SPATA6: variants seen among roughly 807,000 people sequenced by gnomAD.
SPATA6 encodes the protein spermatogenesis associated 6.
A neutral mutation model predicts 65.3 loss-of-function variants in SPATA6; 56 were observed. The observed-to-expected ratio is 0.86, with a 90% confidence interval of 0.69 to 1.07. SPATA6 has a LOEUF of 1.07. SPATA6 is among the 50% of genes least tolerant of loss of function. The probability of loss-of-function intolerance (pLI) is 0.00; values close to 1 mark genes in which losing one functional copy is unlikely to be tolerated. For synonymous variants in SPATA6, 199 were observed against 213.2 expected (o/e 0.93, Z 0.58); for missense variants, 590 against 594.8 (o/e 0.99, Z 0.08).
At chr1:48,366,268 G>C (rs944947656) in intron 9 of SPATA6, among the ~76,000 whole-genome samples, 4 of 152,024 alleles carry the variant, frequency 2.6e-5, no homozygotes, top group Non-Finnish European at 4.4e-5. Flanking sequence ...TTTTGGTTGT[G>C]TCTCTGCCCG....
At chr1:48,336,800 T>G (rs1570180962) in intron 11 of SPATA6, among the ~76,000 whole-genome samples, 1 of 151,962 alleles carries the variant, frequency 6.6e-6, no homozygotes, top group East Asian at 1.9e-4. Context: ...CTTAAAATAT[T>G]TAAGAAAAAA....
the SPATA6 span, among the ~76,000 whole-genome samples, chr1:48,264,878 T>C: frequency 4.4e-4 from 67 of 152,356 alleles, no homozygotes; most frequent in Admixed American, 1.1e-3. Flanking sequence ...TTTGGGTATA[T>C]ACCCAGTAAT....
the SPATA6 span, among the ~76,000 whole-genome samples, chr1:48,281,310 CAT>C: frequency 6.6e-6 from 1 of 151,052 alleles, no homozygotes; most frequent in Non-Finnish European, 1.5e-5. Context: ...TCCTATTCAA[CAT>C]AGTGTTGGAA....
intron 11 of SPATA6, among the ~76,000 whole-genome samples, chr1:48,314,488 A>G (rs944912196): frequency 5.9e-5 from 9 of 152,188 alleles, no homozygotes; most frequent in African/African-American, 2.2e-4. Context: ...GTTCTTTGAA[A>G]CCAATAAGAA....
chr1:48,318,987 T>C (rs1645520777), intron 11 of SPATA6, among the ~76,000 whole-genome samples: 1 of 152,188 alleles, frequency 6.6e-6, no homozygotes, highest in Non-Finnish European at 1.5e-5. Context: ...AACTGATTTT[T>C]TTATAAAGAT....
intron 3 of SPATA6, among the ~76,000 whole-genome samples, chr1:48,446,917 TA>T (rs1329567757): frequency 1.3e-5 from 2 of 152,160 alleles, no homozygotes; most frequent in Non-Finnish European, 2.9e-5. Context: ...GGTCCATTTA[TA>T]CACGAATTTT....
At chr1:48,274,405 A>T in the SPATA6 span, among the ~76,000 whole-genome samples, 1 of 152,162 alleles carries the variant, frequency 6.6e-6, no homozygotes, top group Admixed American at 6.6e-5. Context: ...TTAGTCATGC[A>T]GTCTTTGCCC....
intron 9 of SPATA6, among the ~76,000 whole-genome samples, chr1:48,382,356 C>A (rs1370300215): frequency 4.8e-5 from 5 of 103,562 alleles, no homozygotes; most frequent in Non-Finnish European, 8.1e-5. Flanking sequence ...ACCACCCTCC[C>A]GGACGGGGCG....
chr1:48,336,840 T>A (rs1646074914), intron 11 of SPATA6, among the ~76,000 whole-genome samples: 1 of 151,960 alleles, frequency 6.6e-6, no homozygotes, highest in South Asian at 2.1e-4. Flanking sequence ...AAAATCTTCA[T>A]ATCATTCAGT....
chr1:48,369,385 C>G (rs1034217220), intron 9 of SPATA6, among the ~76,000 whole-genome samples: 1 of 152,190 alleles, frequency 6.6e-6, no homozygotes, highest in Non-Finnish European at 1.5e-5. Context: ...AGAGGTGGAG[C>G]CTACAGAGGC....
At chr1:48,283,459 T>A in the SPATA6 span, among the ~76,000 whole-genome samples, 2 of 151,130 alleles carry the variant, frequency 1.3e-5, no homozygotes, top group Non-Finnish European at 2.9e-5. Context: ...GGCAGGCAGA[T>A]CATGAGGTCA....
At chr1:48,366,727 T>C in intron 9 of SPATA6, among the ~76,000 whole-genome samples, 1 of 152,206 alleles carries the variant, frequency 6.6e-6, no homozygotes, top group Non-Finnish European at 1.5e-5. Context: ...TCAATTTTGT[T>C]GATCTTTTCA....
At position 48,298,635 on chromosome 1, in the gene SPATA6, G is replaced by A. The variant is rs1235520842; in HGVS notation, c.*78C>T. ...ATAATCCCATTTTTTTTAAAAAAAG[G>A]AATACAGATATTGATCACATCAAAC... On this transcript the variant is annotated 3_prime_UTR_variant, in exon 13 of 13. Coordinates refer to ENST00000371847, the MANE Select transcript of SPATA6 (RefSeq NM_019073.4). 7.3e-7 allele frequency: 1 copy of A among 1,363,844 alleles called. No individual in the cohort carries two copies. Among genetic ancestry groups the A allele is most frequent in the South Asian group, 1.7e-5 (1 of 60,570 alleles). The allele number at this position is 1,363,844 out of a possible 1,614,324, so 84.5% of individuals were successfully genotyped here. A position where few individuals can be genotyped will look rare whatever the true frequency, so the allele number is the denominator to read the frequency against.
intron 11 of SPATA6, among the ~76,000 whole-genome samples, chr1:48,315,832 G>A (rs989282652): frequency 5.3e-5 from 8 of 152,194 alleles, no homozygotes; most frequent in South Asian, 2.1e-4. Flanking sequence ...GATAAGCAAC[G>A]TCAGCAAAGT....
intron 1 of SPATA6, among the ~76,000 whole-genome samples, chr1:48,467,314 G>C (rs923581914): frequency 6.6e-6 from 1 of 152,068 alleles, no homozygotes; most frequent in Admixed American, 6.6e-5. Flanking sequence ...AAGCATGGAA[G>C]GGGTAGAGAA....
intron 9 of SPATA6, among the ~76,000 whole-genome samples, chr1:48,382,357 G>A (rs1424376772): frequency 1.0e-5 from 1 of 97,190 alleles, no homozygotes; most frequent in African/African-American, 4.2e-5. Flanking sequence ...CCACCCTCCC[G>A]GACGGGGCGG....
intron 9 of SPATA6, among the ~76,000 whole-genome samples, chr1:48,363,995 C>T (rs1371219731): frequency 6.6e-6 from 1 of 151,914 alleles, no homozygotes; most frequent in African/African-American, 2.4e-5. Context: ...TGTTCCCCTT[C>T]CTGTGTCCAT....
intron 9 of SPATA6, among the ~76,000 whole-genome samples, chr1:48,365,233 G>A (rs1460026087): frequency 6.6e-6 from 1 of 152,138 alleles, no homozygotes; most frequent in Non-Finnish European, 1.5e-5. Flanking sequence ...CAGGTAGCGT[G>A]GTGCCTCCGG....
the SPATA6 span, among the ~76,000 whole-genome samples, chr1:48,283,167 A>G: frequency 1.2e-4 from 12 of 103,940 alleles, no homozygotes; most frequent in Admixed American, 1.8e-3. Flanking sequence ...GGAACATCAC[A>G]CTCTAGGGAC....
Sources: allele counts gnomAD v4.1 joint callset (sites outside exome capture counted in the v4.1 genomes callset), GRCh38; gene constraint gnomAD v4.1.1; transcripts MANE v1.5; gene names NCBI Gene and HGNC (gene_info 2026-07-23, HGNC 2026-07-21).